SLC35D4: variants seen among roughly 807,000 people sequenced by gnomAD.
SLC35D4 encodes solute carrier family 35 member D4.
the SLC35D4 span, among the ~76,000 whole-genome samples, chr18:23,349,194 T>G: frequency 6.6e-6 from 1 of 152,272 alleles, no homozygotes; most frequent in Non-Finnish European, 1.5e-5. Flanking sequence ...ATCTGTAAAT[T>G]AATATTTTTC....
chr18:23,340,366 C>A, the SLC35D4 span, among the ~76,000 whole-genome samples: 17 of 151,858 alleles, frequency 1.1e-4, no homozygotes, highest in Middle Eastern at 3.2e-3. Context: ...TATCTTAAAA[C>A]CCCTGGAGTT....
the SLC35D4 span, chr18:23,297,524 A>G: frequency 1.3e-5 from 2 of 151,810 alleles, no homozygotes; most frequent in Admixed American, 6.6e-5. Flanking sequence ...TCTCTAAAAA[A>G]TAATAATAAA....
the SLC35D4 span, among the ~76,000 whole-genome samples, chr18:23,342,833 TC>T: frequency 1.3e-5 from 2 of 152,370 alleles, no homozygotes; most frequent in East Asian, 3.9e-4. Context: ...CCAAACACCT[TC>T]CTATGTACTT....
the SLC35D4 span, chr18:23,253,822 C>T: frequency 6.2e-7 from 1 of 1,614,208 alleles, no homozygotes; most frequent in Non-Finnish European, 8.5e-7. Flanking sequence ...AAAAGCTCGC[C>T]CTCAAGGGGA....
chr18:23,273,495 T>C, the SLC35D4 span, among the ~76,000 whole-genome samples: 5 of 152,182 alleles, frequency 3.3e-5, no homozygotes, highest in African/African-American at 4.8e-5. Context: ...ATAATTGTTG[T>C]GGAGACACGG....
chr18:23,432,580 C>T, the SLC35D4 span, among the ~76,000 whole-genome samples: 1 of 151,272 alleles, frequency 6.6e-6, no homozygotes, highest in African/African-American at 2.4e-5. Flanking sequence ...ACTCAGGAGG[C>T]TGCGGCAGGA....
At chr18:23,388,965 T>C in the SLC35D4 span, among the ~76,000 whole-genome samples, 1 of 151,280 alleles carries the variant, frequency 6.6e-6, no homozygotes, top group Non-Finnish European at 1.5e-5. Context: ...CTTTTCTTCA[T>C]AAATTACCCA....
chr18:23,324,531 G>A, the SLC35D4 span, among the ~76,000 whole-genome samples: 18 of 152,214 alleles, frequency 1.2e-4, no homozygotes, highest in Admixed American at 1.2e-3. Flanking sequence ...CGTTCACTGA[G>A]CACCACAAAG....
At chr18:23,353,107 G>GTGTGTGTGTGTGTGTA in the SLC35D4 span, among the ~76,000 whole-genome samples, 1 of 151,300 alleles carries the variant, frequency 6.6e-6, no homozygotes, top group Non-Finnish European at 1.5e-5. Context: ...GTGTGTGTGT[G>GTGTGTGTGTGTGTGTA]TGTGTGTGTG....
the SLC35D4 span, among the ~76,000 whole-genome samples, chr18:23,333,614 G>C: frequency 1.3e-5 from 2 of 152,256 alleles, no homozygotes; most frequent in African/African-American, 4.8e-5. Context: ...AATTCCCAAG[G>C]CGGGAATGCA....
At chr18:23,241,355 ACT>A in the SLC35D4 span, among the ~76,000 whole-genome samples, 1 of 151,480 alleles carries the variant, frequency 6.6e-6, no homozygotes, top group South Asian at 2.1e-4. Context: ...ACGTGATGAA[ACT>A]CTGTCTCTAC....
At chr18:23,329,875 C>G in the SLC35D4 span, among the ~76,000 whole-genome samples, 1 of 152,108 alleles carries the variant, frequency 6.6e-6, no homozygotes. Flanking sequence ...ACTATGCAGC[C>G]ATAAAAAGGA....
the SLC35D4 span, among the ~76,000 whole-genome samples, chr18:23,436,333 C>A: frequency 6.6e-6 from 1 of 151,622 alleles, no homozygotes; most frequent in African/African-American, 2.4e-5. Context: ...CGGGCCACAA[C>A]AACAATTTCA....
chr18:23,303,270 T>C, the SLC35D4 span, among the ~76,000 whole-genome samples: 1 of 152,240 alleles, frequency 6.6e-6, no homozygotes, highest in East Asian at 1.9e-4. Context: ...CACACCATCT[T>C]TAACCTCAGG....
chr18:23,346,966 T>C, the SLC35D4 span, among the ~76,000 whole-genome samples: 2 of 152,208 alleles, frequency 1.3e-5, no homozygotes, highest in African/African-American at 4.8e-5. Context: ...ATGAGGAATA[T>C]TGGTAATTTT....
the SLC35D4 span, among the ~76,000 whole-genome samples, chr18:23,314,577 C>T: frequency 6.6e-6 from 1 of 152,216 alleles, no homozygotes. Context: ...AAAGCATAAA[C>T]ATTTTTGAAA....
the SLC35D4 span, among the ~76,000 whole-genome samples, chr18:23,318,922 C>T: frequency 5.9e-5 from 9 of 152,100 alleles, no homozygotes; most frequent in South Asian, 2.1e-4. Flanking sequence ...TGGCTCACTG[C>T]AACCTCCGCC....
At chr18:23,256,469 G>C in the SLC35D4 span, among the ~76,000 whole-genome samples, 1 of 152,098 alleles carries the variant, frequency 6.6e-6, no homozygotes, top group Admixed American at 6.5e-5. Context: ...TGTCGTGCGT[G>C]GTTTGCTTTA....
chr18:23,290,793 ATTT>A, the SLC35D4 span, among the ~76,000 whole-genome samples: 1 of 143,720 alleles, frequency 7.0e-6, no homozygotes, highest in Non-Finnish European at 1.5e-5. Context: ...CACCCTGCTA[ATTT>A]TTTTTTTTTT....
Sources: allele counts gnomAD v4.1 joint callset (sites outside exome capture counted in the v4.1 genomes callset), GRCh38; gene constraint gnomAD v4.1.1; transcripts MANE v1.5; gene names NCBI Gene and HGNC (gene_info 2026-07-23, HGNC 2026-07-21).